The following LRRC7 variants were observed in gnomAD, a reference collection of about 807,000 sequenced individuals.
LRRC7 encodes leucine-rich repeat-containing protein 7.
A neutral mutation model predicts 175.7 loss-of-function variants in LRRC7; 23 were observed. The observed-to-expected ratio is 0.13, with a 90% confidence interval of 0.09 to 0.19. The LOEUF (loss-of-function observed/expected upper bound fraction) is 0.19. Ranked by LOEUF, LRRC7 falls within the 10% of genes least tolerant of loss-of-function variation. The pLI, the probability that LRRC7 is intolerant of heterozygous loss-of-function variation, is 1.00. For missense variants in LRRC7, 1,354 were observed against 1,904.7 expected (o/e 0.71, Z 5.38); for synonymous variants, 685 against 680.9 (o/e 1.01, Z -0.09).
intron 26 of LRRC7, among the ~76,000 whole-genome samples, chr1:70,115,703 C>T (rs1161826932): frequency 6.6e-6 from 1 of 152,008 alleles, no homozygotes; most frequent in African/African-American, 2.4e-5. Context: ...AATAGACATA[C>T]CCAAATTATA....
intron 9 of LRRC7, 134 bp from the exon 10 acceptor site, chr1:69,986,108 T>G (rs1557959396): frequency 2.6e-6 from 2 of 781,186 alleles, no homozygotes; most frequent in Non-Finnish European, 4.0e-6. Flanking sequence ...TTACAATTCC[T>G]CCACATTCTT....
rs948001849 is a variant in LRRC7, at chr1:69,568,745, G to C, written c.2+104G>C. 1.6e-5 allele frequency: 12 copies of C among 772,642 alleles called. No individual in the cohort carries two copies. In the Admixed American group the frequency reaches 6.5e-4, roughly 42 times the overall value. 47.9% of individuals were successfully genotyped at this position (772,642 alleles called of 1,614,324 possible). A position where few individuals can be genotyped will look rare whatever the true frequency, so the allele number is the denominator to read the frequency against. ...GGACCCCAGAGGCCGGCCGGGGGCG[G>C]GGGTGGCAGGGCGGGAGGCTTCGGC... is the stretch of plus-strand genomic sequence containing the variant. On this transcript the variant is annotated intron_variant, in intron 1 of 26. Transcript: ENST00000651989.
At chr1:70,098,229 T>G (rs1444929095) in intron 25 of LRRC7, among the ~76,000 whole-genome samples, 1 of 152,164 alleles carries the variant, frequency 6.6e-6, no homozygotes, top group Non-Finnish European at 1.5e-5. Flanking sequence ...TGAGCATTTT[T>G]TCATGTGTTT....
At chr1:69,740,336 TAC>T (rs1668574461) in intron 2 of LRRC7, among the ~76,000 whole-genome samples, 1 of 152,082 alleles carries the variant, frequency 6.6e-6, no homozygotes, top group Non-Finnish European at 1.5e-5. Context: ...TCTCTGTGTG[TAC>T]ACATCCCTAG....
At chr1:70,119,139 A>G (rs1208970468) in intron 26 of LRRC7, among the ~76,000 whole-genome samples, 2 of 152,044 alleles carry the variant, frequency 1.3e-5, no homozygotes, top group African/African-American at 4.8e-5. Context: ...TTACCTGAAA[A>G]AAAAACAACT....
chr1:69,716,710 C>T lies in LRRC7; in HGVS notation c.100+38232C>T, dbSNP rs1044101593. 8.6e-5 allele frequency among the ~76,000 whole-genome samples: 13 copies of T among 151,676 alleles called. No homozygotes were observed. The South Asian group carries it at 1.0e-3, about 12-fold the overall frequency. On this transcript the variant is annotated intron_variant, in intron 2 of 26. Coordinates refer to ENST00000651989, the MANE Select transcript of LRRC7 (RefSeq NM_001370785.2). ...TATCAAATGAAATCCAGGCACAAAG[C>T]GGGAGCTTTGCATTTATCAGTATTT...
intron 2 of LRRC7, among the ~76,000 whole-genome samples, chr1:69,682,756 G>T (rs77545824): frequency 6.6e-6 from 1 of 151,896 alleles, no homozygotes; most frequent in Non-Finnish European, 1.5e-5. Context: ...CTAGTTCATG[G>T]ATAGGCTAAG....
At chr1:70,077,776 A>C (rs1390366948) in intron 24 of LRRC7, among the ~76,000 whole-genome samples, 1 of 152,198 alleles carries the variant, frequency 6.6e-6, no homozygotes, top group African/African-American at 2.4e-5. Flanking sequence ...AAGTTTACAC[A>C]TGTATTGAGT....
intron 8 of LRRC7, among the ~76,000 whole-genome samples, chr1:69,960,646 T>G (rs2101842847): frequency 6.6e-6 from 1 of 152,120 alleles, no homozygotes; most frequent in African/African-American, 2.4e-5. Flanking sequence ...CTTTTAACAT[T>G]GCTTTGGCTG....
intron 8 of LRRC7, among the ~76,000 whole-genome samples, chr1:69,937,295 T>A (rs1305359006): frequency 1.3e-5 from 2 of 148,436 alleles, no homozygotes; most frequent in Non-Finnish European, 2.9e-5. Context: ...TGCTTTACCA[T>A]TAGCTTTGTA....
At chr1:69,815,072 T>C (rs1678425490) in intron 4 of LRRC7, among the ~76,000 whole-genome samples, 1 of 152,196 alleles carries the variant, frequency 6.6e-6, no homozygotes, top group African/African-American at 2.4e-5. Flanking sequence ...AAAAATTCTC[T>C]AGGAGCTTTT....
intron 3 of LRRC7, among the ~76,000 whole-genome samples, chr1:69,768,094 G>A (rs898285593): frequency 1.3e-5 from 2 of 152,148 alleles, no homozygotes; most frequent in Non-Finnish European, 2.9e-5. Flanking sequence ...TATCACAAAG[G>A]TGTTTTAGGC....
chr1:69,890,064 C>T (rs2101640617), intron 7 of LRRC7, among the ~76,000 whole-genome samples: 1 of 152,276 alleles, frequency 6.6e-6, no homozygotes, highest in South Asian at 2.1e-4. Context: ...TTCTTCCAAA[C>T]TTATGTTAAT....
At chr1:69,889,045 G>T (rs990237841) in intron 7 of LRRC7, among the ~76,000 whole-genome samples, 6 of 152,120 alleles carry the variant, frequency 3.9e-5, no homozygotes, top group African/African-American at 1.2e-4. Flanking sequence ...GTGTACAATA[G>T]CATTATGTCT....
At chr1:69,720,982 C>T (rs1044586082) in intron 2 of LRRC7, among the ~76,000 whole-genome samples, 4 of 151,716 alleles carry the variant, frequency 2.6e-5, no homozygotes, top group African/African-American at 9.7e-5. Flanking sequence ...TCATGGAAAT[C>T]TTTATATGTC....
At chr1:69,885,085 G>T (rs1186718181) in intron 7 of LRRC7, among the ~76,000 whole-genome samples, 1 of 104,760 alleles carries the variant, frequency 9.5e-6, no homozygotes, top group Non-Finnish European at 2.0e-5. Flanking sequence ...CTCTTTTTTG[G>T]TTGTGTCTCT....
At position 70,122,990 on chromosome 1, in the gene LRRC7, A is replaced by G. The variant is rs1399159679; in HGVS notation, c.*1103A>G. The G allele has an allele frequency of 6.6e-6, 1 of 152,554 alleles. No homozygotes were observed. The highest frequency in any genetic ancestry group is 1.5e-5 in the Non-Finnish European group (1 of 67,952). The allele number at this position is 152,554 out of a possible 1,614,324, so 9.5% of individuals were successfully genotyped here. A position where few individuals can be genotyped will look rare whatever the true frequency, so the allele number is the denominator to read the frequency against. The stretch of plus-strand genomic sequence containing the variant: ...TTTCTCAGAGCTGTGGTCTACCTGT[A>G]TCATTAATTTCAATGGCTGTTTTTC... On this transcript the variant is annotated 3_prime_UTR_variant, in exon 27 of 27. Coordinates refer to ENST00000651989, the MANE Select transcript of LRRC7 (RefSeq NM_001370785.2).
chr1:69,866,981 T>A (rs1685015509), intron 7 of LRRC7, among the ~76,000 whole-genome samples: 1 of 152,186 alleles, frequency 6.6e-6, no homozygotes, highest in Non-Finnish European at 1.5e-5. Flanking sequence ...CATATATTTT[T>A]CAGACTCTTT....
intron 1 of LRRC7, among the ~76,000 whole-genome samples, chr1:69,604,040 T>A (rs1647202092): frequency 6.6e-6 from 1 of 152,136 alleles, no homozygotes; most frequent in South Asian, 2.1e-4. Context: ...AAATTGCTTT[T>A]TTTTACCTTA....
Sources: allele counts gnomAD v4.1 joint callset (sites outside exome capture counted in the v4.1 genomes callset), GRCh38; gene constraint gnomAD v4.1.1; transcripts MANE v1.5; gene names NCBI Gene and HGNC (gene_info 2026-07-23, HGNC 2026-07-21).